ATP6V1B1: variants seen among roughly 807,000 people sequenced by gnomAD.
ATP6V1B1 encodes ATPase H+ transporting V1 subunit B1.
In ATP6V1B1, 41 loss-of-function variants were observed where a neutral mutation model predicts 62.1. That is an observed-to-expected ratio of 0.66 (90% confidence interval 0.51 to 0.86). ATP6V1B1 has a LOEUF of 0.86. Ranked by LOEUF, ATP6V1B1 falls within the 40% of genes least tolerant of loss-of-function variation. ATP6V1B1 has a pLI of 0.00. For missense variants in ATP6V1B1, 651 were observed against 697.5 expected (o/e 0.93, Z 0.75); for synonymous variants, 253 against 273.4 (o/e 0.93, Z 0.74).
At position 70,959,428 on chromosome 2, in the gene ATP6V1B1, C is replaced by T. The variant is rs1680526479; in HGVS notation, c.445+333C>T. Among the ~76,000 whole-genome samples, 1 of 152,248 alleles carries T rather than the reference C, an allele frequency of 6.6e-6. No individual in the cohort carries two copies. Among genetic ancestry groups the T allele is most frequent in the South Asian group, 2.1e-4 (1 of 4,832 alleles). On this transcript the variant is annotated intron_variant, in intron 5 of 13. Coordinates refer to ENST00000234396, the MANE Select transcript of ATP6V1B1 (RefSeq NM_001692.4). This position sits in a 1 kb window ranked among gnomAD's most constrained non-coding sequence, Gnocchi z 4.2. The stretch of plus-strand genomic sequence containing the variant: ...TGGGCACCTTCCCCAGGCCTCAAAC[C>T]CTATCCCATCTGTTTACTGAGGACA...
At chr2:70,958,173 G>A (rs1553419398) in intron 3 of ATP6V1B1, 29 bp downstream of exon 3, 3 of 1,608,466 alleles carry the variant, frequency 1.9e-6, no homozygotes, top group Non-Finnish European at 2.6e-6. Context: ...ACATTGGCTA[G>A]TTAAATCAAT....
rs536441376 is a variant in ATP6V1B1 at position 70,956,934 on chromosome 2, C to T, written c.175-1112C>T. Among the ~76,000 whole-genome samples the T allele has an allele frequency of 3.5e-4, 53 of 152,216 alleles. 1 individual carries two copies. Among genetic ancestry groups the T allele is most frequent in the Non-Finnish European group, 3.7e-4 (25 of 68,006 alleles). ...AGAGTGTGTGAAGTGGCATCTATCT[C>T]ATTGTGGTTTTGATTTTCGTTTCCC... On this transcript the variant is annotated intron_variant, in intron 2 of 13. Coordinates refer to ENST00000234396, the MANE Select transcript of ATP6V1B1 (RefSeq NM_001692.4).
At chr2:70,944,208 C>A (rs1553416914) in intron 2 of ATP6V1B1, 2 of 1,289,656 alleles carry the variant, frequency 1.6e-6, no homozygotes, top group East Asian at 1.1e-4. Context: ...TTTGGAATAT[C>A]TCAGTCTCAG....
intron 1 of ATP6V1B1, chr2:70,941,536 C>T: frequency 1.8e-5 from 16 of 885,986 alleles, no homozygotes; most frequent in Non-Finnish European, 2.2e-5. Flanking sequence ...CCCTCCCACT[C>T]TCGTTCACCC....
At position 70,959,926 on chromosome 2, in the gene ATP6V1B1, C is replaced by T. The variant is rs1007904491; in HGVS notation, c.446-13C>T. On this transcript the variant is annotated splice_polypyrimidine_tract_variant and intron_variant, in intron 5 of 13. Transcript: ENST00000234396. This position sits in a 1 kb window ranked among gnomAD's most constrained non-coding sequence, Gnocchi z 4.2. ...GAACCCCTGAGCATGGCTCTGTGAT[C>T]GCCCTCTCCCAGGCCAGCCCATCAA... 4.3e-6 allele frequency: 7 copies of T among 1,613,984 alleles called. No homozygotes were observed. Among genetic ancestry groups the T allele is most frequent in the African/African-American group, 4.0e-5 (3 of 74,926 alleles).
intron 13 of ATP6V1B1, 43 bp downstream of exon 13, chr2:70,964,908 T>C: frequency 3.1e-6 from 5 of 1,613,964 alleles, no homozygotes; most frequent in Non-Finnish European, 4.2e-6. Flanking sequence ...CTCTTCACCC[T>C]CCTTCCGCCC....
At chr2:70,964,070 G>C (rs1680653300) in intron 11 of ATP6V1B1, 14 of 381,294 alleles carry the variant, frequency 3.7e-5, no homozygotes, top group South Asian at 3.6e-4. Context: ...CTGTGTGTAG[G>C]TTAAAGGTGA....
rs1200792526 is a variant in ATP6V1B1 at position 70,965,397 on chromosome 2, CAAAATA to C, written c.*287_*292del. ...TCTGTATTTTTATGTTAAAAGCCCA[CAAAATA>C]AAAATAAAAAGTAACTGAGATGAAT... is the stretch of plus-strand genomic sequence containing the variant. On this transcript the variant is annotated 3_prime_UTR_variant, in exon 14 of 14. Coordinates refer to ENST00000234396, the MANE Select transcript of ATP6V1B1 (RefSeq NM_001692.4). 1.9e-6 allele frequency: 1 copy of C among 534,958 alleles called. No homozygotes were observed. The highest frequency in any genetic ancestry group is 3.3e-6 in the Non-Finnish European group (1 of 299,716). 33.1% of individuals were successfully genotyped at this position (534,958 alleles called of 1,614,324 possible). A position where few individuals can be genotyped will look rare whatever the true frequency, so the allele number is the denominator to read the frequency against.
intron 1 of ATP6V1B1, among the ~76,000 whole-genome samples, chr2:70,937,617 G>A (rs1297384979): frequency 1.3e-5 from 2 of 151,820 alleles, no homozygotes; most frequent in African/African-American, 2.4e-5. Context: ...TGTGACTCTT[G>A]CCAGTCTGTT....
intron 2 of ATP6V1B1, among the ~76,000 whole-genome samples, chr2:70,950,060 C>G (rs1474588915): frequency 6.6e-6 from 1 of 152,020 alleles, no homozygotes; most frequent in East Asian, 1.9e-4. Context: ...TGGTTATCTT[C>G]TAACTAGATA....
Position 70,959,097 on chromosome 2 carries a change from T to TATCA in ATP6V1B1, c.445+2_445+3insATCA. On this transcript the variant is annotated splice_region_variant and intron_variant, in intron 5 of 13. Transcript: ENST00000234396. This position sits in a 1 kb window ranked among gnomAD's most constrained non-coding sequence, Gnocchi z 4.2. ...CGGAGGACTTTCTGGATATCAATGGTGAGTGACTGGAGGTTCTGGATGGCT... is the reference window on the plus strand; with the variant it reads ...CGGAGGACTTTCTGGATATCAATGGTATCAGAGTGACTGGAGGTTCTGGATGGCT... 1 of 1,614,096 alleles carries TATCA rather than the reference T, an allele frequency of 6.2e-7. No homozygotes were observed. Among genetic ancestry groups the TATCA allele is most frequent in the Non-Finnish European group, 8.5e-7 (1 of 1,180,006 alleles).
At chr2:70,949,334 A>T (rs1473840097) in intron 2 of ATP6V1B1, among the ~76,000 whole-genome samples, 1 of 152,238 alleles carries the variant, frequency 6.6e-6, no homozygotes, top group Non-Finnish European at 1.5e-5. Flanking sequence ...TAGTCCCATT[A>T]TTGACAGACA....
chr2:70,964,479 G>A lies in ATP6V1B1; in HGVS notation c.1185G>A (p.Leu395=). 3 of 1,614,138 alleles carry A rather than the reference G, an allele frequency of 1.9e-6. No homozygotes were observed. Among genetic ancestry groups the A allele is most frequent in the Non-Finnish European group, 2.5e-6 (3 of 1,180,042 alleles). ...PINVLPSLSR[L]MKSAIGEGMT... The stretch of plus-strand genomic sequence containing the variant: ...ACGTGCTCCCTTCCCTGTCGCGGCT[G>A]ATGAAGTCAGCCATTGGGGAAGGCA... Residue 395 remains leucine (L), a synonymous_variant, in exon 12 of 14, where the codon CTG becomes CTA. Transcript: ENST00000234396.
chr2:70,954,265 A>G (rs1680385575), intron 2 of ATP6V1B1, among the ~76,000 whole-genome samples: 1 of 152,164 alleles, frequency 6.6e-6, no homozygotes, highest in Admixed American at 6.5e-5. Context: ...TGCATCACAC[A>G]TATATTGACA....
chr2:70,941,119 T>C, intron 1 of ATP6V1B1: 2 of 466,476 alleles, frequency 4.3e-6, no homozygotes, highest in Non-Finnish European at 5.6e-6. Context: ...GGCTTCACCA[T>C]ATTGCCCAGG....
chr2:70,945,101 A>AT (rs1239333293), intron 2 of ATP6V1B1, among the ~76,000 whole-genome samples: 5 of 152,224 alleles, frequency 3.3e-5, no homozygotes, highest in African/African-American at 1.2e-4. Flanking sequence ...GGGCACTTGC[A>AT]TGTCATTTTT....
chr2:70,938,948 G>A (rs1679920130), intron 1 of ATP6V1B1, among the ~76,000 whole-genome samples: 1 of 152,258 alleles, frequency 6.6e-6, no homozygotes, highest in Admixed American at 6.5e-5. Context: ...CAACTGGAAG[G>A]GGAAGGAGTT....
chr2:70,940,361 C>T (rs1679962631), intron 1 of ATP6V1B1: 1 of 984,396 alleles, frequency 1.0e-6, no homozygotes, highest in African/African-American at 1.7e-5. Context: ...CCTATCCAGC[C>T]CACCCACCCT....
intron 1 of ATP6V1B1, chr2:70,942,202 G>A: frequency 2.3e-6 from 1 of 435,484 alleles, no homozygotes. Flanking sequence ...TCCTTAGTGG[G>A]AATAGGAAGG....
Sources: allele counts gnomAD v4.1 joint callset (sites outside exome capture counted in the v4.1 genomes callset), GRCh38; gene constraint gnomAD v4.1.1; non-coding constraint Gnocchi (gnomAD v3.1); transcripts MANE v1.5; gene names NCBI Gene and HGNC (gene_info 2026-07-23, HGNC 2026-07-21).